Variants in ERG observed in about 807,000 individuals in gnomAD.
ERG encodes the protein ETS transcription factor ERG.
Under a neutral mutation model 55.3 loss-of-function variants are expected in ERG, and 9 were observed. That is an observed-to-expected ratio of 0.16 (90% CI 0.10 to 0.28). ERG has a LOEUF of 0.28. ERG is among the 10% of genes least tolerant of loss of function. The probability of loss-of-function intolerance (pLI) is 1.00; values close to 1 mark genes in which losing one functional copy is unlikely to be tolerated. For missense variants in ERG, 434 were observed against 631.6 expected, an observed-to-expected ratio of 0.69 and a Z score of 3.35; for synonymous variants, 223 against 237.3, an observed-to-expected ratio of 0.94 and a Z score of 0.55.
intron 1 of ERG, among the ~76,000 whole-genome samples, chr21:38,595,806 G>A (rs2060127613): frequency 6.6e-6 from 1 of 152,144 alleles, no homozygotes; most frequent in Non-Finnish European, 1.5e-5. Context: ...TGGCCATCTG[G>A]CTTCCCACAC....
intron 2 of ERG, among the ~76,000 whole-genome samples, chr21:38,537,957 T>A (rs1351004185): frequency 2.6e-5 from 4 of 152,204 alleles, no homozygotes; most frequent in Non-Finnish European, 5.9e-5. Context: ...TCATGGGATA[T>A]CTTCAGCCTT....
intron 2 of ERG, among the ~76,000 whole-genome samples, chr21:38,508,064 C>CAG (rs2059483135): frequency 1.1e-4 from 1 of 8,884 alleles, no homozygotes; most frequent in East Asian, 2.5e-3. Context: ...CACACATATA[C>CAG]ACACATGCAC....
chr21:38,451,345 T>C (rs2058940156), intron 1 of ERG: 1 of 410,372 alleles, frequency 2.4e-6, no homozygotes, highest in Non-Finnish European at 4.8e-6. Context: ...TGCAATGGCT[T>C]AAATCAACAA....
chr21:38,416,948 C>T (rs968314846), intron 3 of ERG, among the ~76,000 whole-genome samples: 1 of 152,170 alleles, frequency 6.6e-6, no homozygotes, highest in African/African-American at 2.4e-5. Flanking sequence ...ATCACATCAT[C>T]GTGGGTATAA....
At chr21:38,406,537 C>T (rs1480158264) in intron 3 of ERG, among the ~76,000 whole-genome samples, 2 of 152,142 alleles carry the variant, frequency 1.3e-5, no homozygotes, top group African/African-American at 4.8e-5. Flanking sequence ...TTGTTCAGCC[C>T]TCACAGAGAG....
Position 38,578,890 on chromosome 21 carries a change from G to A in ERG, c.-126-3143C>T, listed in dbSNP as rs73906337. 8.1e-3 allele frequency among the ~76,000 whole-genome samples: 1,239 copies of A among 152,238 alleles called. 13 individuals carry two copies. The highest frequency in any genetic ancestry group is 0.029 in the African/African-American group (1,193 of 41,518). On this transcript the variant is annotated intron_variant, in intron 1 of 8. Transcript: ENST00000398897. ...CTTTGCAATGTACAATCAGATTACCGAGATCTTCGTTAAAATTTTTCTAGC... is the reference window on the plus strand; with the variant it reads ...CTTTGCAATGTACAATCAGATTACCAAGATCTTCGTTAAAATTTTTCTAGC...
Position 38,391,685 on chromosome 21 carries a change from T to C in ERG, c.845A>G (p.Lys282Arg). 2 of 1,613,908 alleles carry C rather than the reference T, an allele frequency of 1.2e-6. No individual in the cohort carries two copies. Among genetic ancestry groups the C allele is most frequent in the African/African-American group, 1.3e-5 (1 of 75,046 alleles). The change falls in exon 8 of 10, where the codon AAA (lysine) becomes AGA (arginine). Residue 282 changes from lysine (K) to arginine (R), a missense_variant. By Grantham distance (26) the Lys-to-Arg change is conservative. Coordinates refer to ENST00000288319, the MANE Select transcript of ERG (RefSeq NM_182918.4). ...AAQPSPSTVP[K>R]TEDQRPQLDP... ...TAACTGAGGACGCTGGTCTTCAGTT[T>C]TGGGCACTGTGGAAGGAGATGGTTG...
intron 1 of ERG, among the ~76,000 whole-genome samples, chr21:38,455,110 CTTTCTTTCTTTTT>C (rs2058975481): frequency 2.4e-5 from 1 of 41,262 alleles, no homozygotes. Context: ...TTCTTTCTTT[CTTTCTTTCTTTTT>C]TTTTTTTTTT....
At chr21:38,406,276 ATATT>A (rs1183578594) in intron 3 of ERG, among the ~76,000 whole-genome samples, 1 of 152,110 alleles carries the variant, frequency 6.6e-6, no homozygotes, top group East Asian at 1.9e-4. Context: ...AAAAGTGTAC[ATATT>A]TATTTGTCAT....
rs73442407 is a variant in ERG, at chr21:38,615,210, T to C, written c.-149-30265A>G. Among the ~76,000 whole-genome samples the C allele has an allele frequency of 3.2e-3, 486 of 152,320 alleles. 5 individuals are homozygous for C. The highest frequency in any genetic ancestry group is 0.011 in the African/African-American group (450 of 41,574). On this transcript the variant is annotated intron_variant, in intron 1 of 10. Coordinates refer to the ERG transcript ENST00000398910. Reference sequence around the variant, plus strand: ...ACCTTACTAAAGCAAATAAACTGCCTTTAGAATTAAACTGGCAATACCAGT... The same window carrying C: ...ACCTTACTAAAGCAAATAAACTGCCCTTAGAATTAAACTGGCAATACCAGT...
chr21:38,652,694 G>T (rs2060495266), intron 1 of ERG, among the ~76,000 whole-genome samples: 1 of 152,136 alleles, frequency 6.6e-6, no homozygotes, highest in Non-Finnish European at 1.5e-5. Context: ...AAGAAAGAAG[G>T]ACCTGTGTGA....
chr21:38,373,636 GTA>G, the ERG span, among the ~76,000 whole-genome samples: 1 of 152,176 alleles, frequency 6.6e-6, no homozygotes. Context: ...GTTTTAAGAT[GTA>G]TATTACCATC....
chr21:38,373,757 A>T, the ERG span, among the ~76,000 whole-genome samples: 3 of 152,242 alleles, frequency 2.0e-5, no homozygotes, highest in African/African-American at 7.2e-5. Context: ...CTTGGGCCTA[A>T]TTCCACATCT....
chr21:38,536,040 G>A (rs577890911), intron 2 of ERG, among the ~76,000 whole-genome samples: 60 of 152,096 alleles, frequency 3.9e-4, no homozygotes, highest in African/African-American at 1.4e-3. Flanking sequence ...TACATCTGAC[G>A]GCAAGTGTTA....
At chr21:38,423,007 G>A (rs1021057016) in intron 3 of ERG, among the ~76,000 whole-genome samples, 9 of 151,990 alleles carry the variant, frequency 5.9e-5, no homozygotes, top group Non-Finnish European at 1.0e-4. Context: ...ATACACACGT[G>A]TGCATATGTG....
intron 1 of ERG, among the ~76,000 whole-genome samples, chr21:38,650,135 A>C (rs554602717): frequency 6.6e-6 from 1 of 152,168 alleles, no homozygotes; most frequent in Non-Finnish European, 1.5e-5. Flanking sequence ...GGAAAAATAA[A>C]CCAAAATAAA....
At chr21:38,377,668 A>G (rs1433830265), downstream of ERG, among the ~76,000 whole-genome samples, 2 of 152,168 alleles carry the variant, frequency 1.3e-5, no homozygotes, top group African/African-American at 4.8e-5. Context: ...TCTTTCTTGT[A>G]TATTTTGTCT....
In ERG at chr21:38,392,403, G is replaced by GACC. The variant is rs1988016812; in HGVS notation, c.784_786dup (p.Gly262dup). 1 of 1,567,032 alleles carries GACC rather than the reference G, an allele frequency of 6.4e-7. No homozygotes were observed. The highest frequency in any genetic ancestry group is 2.4e-5 in the East Asian group (1 of 42,360). ...TTCGACTGGGGCGTGGGGTGGCCGT[G>GACC]ACCGGTCCAGGCTGATCTCCTGGGG... On this transcript the variant is annotated inframe_insertion, in exon 7 of 10. Coordinates refer to ENST00000288319, the MANE Select transcript of ERG (RefSeq NM_182918.4).
chr21:38,533,744 G>A (rs1205587828), intron 2 of ERG, among the ~76,000 whole-genome samples: 2 of 152,104 alleles, frequency 1.3e-5, no homozygotes, highest in African/African-American at 2.4e-5. Flanking sequence ...ATATCATGCC[G>A]CAAAGGGCGT....
Sources: gnomAD v4.1 joint callset for allele counts (sites outside exome capture counted in the v4.1 genomes callset) on GRCh38, gnomAD v4.1.1 for gene constraint, MANE v1.5 for transcripts, NCBI Gene and HGNC (gene_info 2026-07-23, HGNC 2026-07-21) for gene names.